Variants in SUMF1 observed in about 807,000 individuals in gnomAD.
SUMF1 encodes the protein sulfatase modifying factor 1, also known as formylglycine-generating enzyme.
Under a neutral mutation model 47.6 loss-of-function variants are expected in SUMF1, and 48 were observed. The observed-to-expected ratio is 1.01, with a 90% CI of 0.80 to 1.28. The LOEUF is 1.28. SUMF1 is among the 50% of genes most tolerant of loss of function. SUMF1 has a pLI of 0.00. For synonymous variants in SUMF1, 230 were observed against 192.1 expected, an observed-to-expected ratio of 1.20 and a Z score of -1.63; for missense variants, 571 against 485.4, an observed-to-expected ratio of 1.18 and a Z score of -1.66.
At chr3:4,450,471 T>G (rs1452962446) in intron 2 of SUMF1, among the ~76,000 whole-genome samples, 1 of 152,200 alleles carries the variant, frequency 6.6e-6, no homozygotes, top group East Asian at 1.9e-4. Flanking sequence ...ATCTTCTTCC[T>G]GCATTCCCTT....
chr3:4,436,551 G>A (rs1214660616), intron 3 of SUMF1, among the ~76,000 whole-genome samples: 5 of 150,778 alleles, frequency 3.3e-5, no homozygotes, highest in Non-Finnish European at 1.5e-5. Context: ...AATAGAGAAA[G>A]GGCAATATTC....
chr3:4,259,636 A>C (rs539672828), intron 8 of SUMF1, among the ~76,000 whole-genome samples: 3 of 152,306 alleles, frequency 2.0e-5, no homozygotes, highest in Non-Finnish European at 2.9e-5. Flanking sequence ...GAACAATCTA[A>C]GAAGGGAATT....
At chr3:4,073,142 A>G (rs1415848997) in intron 8 of SUMF1, among the ~76,000 whole-genome samples, 1 of 152,254 alleles carries the variant, frequency 6.6e-6, no homozygotes, top group Non-Finnish European at 1.5e-5. Flanking sequence ...ATCTCTCTGC[A>G]GAAACCCTAT....
At chr3:4,244,925 C>T (rs1382183877) in intron 8 of SUMF1, among the ~76,000 whole-genome samples, 1 of 151,934 alleles carries the variant, frequency 6.6e-6, no homozygotes, top group Admixed American at 6.6e-5. Context: ...TTGGAGGCTT[C>T]GTTCGTTTTT....
At chr3:4,272,218 G>T (rs1641563224) in intron 8 of SUMF1, among the ~76,000 whole-genome samples, 1 of 152,210 alleles carries the variant, frequency 6.6e-6, no homozygotes, top group South Asian at 2.1e-4. Context: ...GGTTTCCTGA[G>T]AGATGAACAA....
chr3:4,154,530 T>C (rs1421015599), intron 8 of SUMF1, among the ~76,000 whole-genome samples: 1 of 151,618 alleles, frequency 6.6e-6, no homozygotes, highest in African/African-American at 2.4e-5. Flanking sequence ...CTCTGTTTTA[T>C]AGATGAATAA....
At chr3:4,270,079 G>A (rs1053985073) in intron 8 of SUMF1, among the ~76,000 whole-genome samples, 11 of 152,078 alleles carry the variant, frequency 7.2e-5, no homozygotes, top group Non-Finnish European at 1.6e-4. Context: ...GAAAGCCAAG[G>A]CCCAGAAGAG....
chr3:4,437,003 T>C (rs1473337439), intron 3 of SUMF1, among the ~76,000 whole-genome samples: 2 of 152,224 alleles, frequency 1.3e-5, no homozygotes, highest in Non-Finnish European at 2.9e-5. Flanking sequence ...TTTTACTTAG[T>C]GAAAGTATCT....
chr3:4,408,728 T>C (rs528015282), intron 7 of SUMF1, among the ~76,000 whole-genome samples: 1 of 152,230 alleles, frequency 6.6e-6, no homozygotes, highest in South Asian at 2.1e-4. Context: ...CCCAGAACTT[T>C]GGGGGGACAA....
At chr3:4,069,548 T>A (rs578058312) in intron 8 of SUMF1, among the ~76,000 whole-genome samples, 1 of 152,200 alleles carries the variant, frequency 6.6e-6, no homozygotes, top group Non-Finnish European at 1.5e-5. Flanking sequence ...CCTATTTGCA[T>A]ACAGCATTCA....
intron 8 of SUMF1, among the ~76,000 whole-genome samples, chr3:4,301,338 A>C (rs1697959858): frequency 6.6e-6 from 1 of 152,208 alleles, no homozygotes; most frequent in South Asian, 2.1e-4. Flanking sequence ...CCAAGGAAAT[A>C]GGTAAAGTCT....
Position 4,362,096 on chromosome 3 carries a change from A to G in SUMF1, c.*48T>C, listed in dbSNP as rs1699780888. On this transcript the variant is annotated 3_prime_UTR_variant, in exon 9 of 9. Transcript: ENST00000272902. Reference sequence around the variant, plus strand: ...CAAAGTTCTGAGAAAAGCCCAATGTAGGTCAGACACGACTGCTCCTTGGAC... The same window carrying G: ...CAAAGTTCTGAGAAAAGCCCAATGTGGGTCAGACACGACTGCTCCTTGGAC... 1 of 1,550,698 alleles carries G rather than the reference A, an allele frequency of 6.4e-7. No homozygotes were observed. The highest frequency in any genetic ancestry group is 8.9e-7 in the Non-Finnish European group (1 of 1,123,926).
At chr3:4,140,482 T>C (rs1694046835) in intron 8 of SUMF1, among the ~76,000 whole-genome samples, 1 of 152,082 alleles carries the variant, frequency 6.6e-6, no homozygotes, top group East Asian at 1.9e-4. Flanking sequence ...TAGTATTTTG[T>C]CAAGTAGGAA....
rs1042521245 is a variant in SUMF1, at chr3:4,269,665, T to A, written c.1014+106665A>T. On this transcript the variant is annotated intron_variant and NMD_transcript_variant, in intron 8 of 12. Transcript: ENST00000448413. ...GAGTTGTTATCCTGATAATCAAAAA[T>A]TCACATTTCCCAAAACCCAACAGTC... Among the ~76,000 whole-genome samples, 14 of 152,140 alleles carry A rather than the reference T, an allele frequency of 9.2e-5. No individual in the cohort carries two copies. In the East Asian group the frequency reaches 1.2e-3, roughly 13 times the overall value.
At position 4,081,005 on chromosome 3, in the gene SUMF1, G is replaced by A. The variant is rs532516680; in HGVS notation, c.1015-12260C>T. ...TGAAAAATGGGAATAATGATGATCT[G>A]GTAAGAATTGTTTAAAGGACTCAAT... On this transcript the variant is annotated intron_variant and NMD_transcript_variant, in intron 8 of 12. Coordinates refer to the SUMF1 transcript ENST00000448413. 1.4e-4 allele frequency among the ~76,000 whole-genome samples: 22 copies of A among 152,184 alleles called. No homozygotes were observed. The South Asian group carries it at 3.3e-3, about 23-fold the overall frequency.
chr3:4,426,099 T>C (rs539357023), intron 3 of SUMF1, among the ~76,000 whole-genome samples: 1 of 152,278 alleles, frequency 6.6e-6, no homozygotes, highest in East Asian at 1.9e-4. Context: ...TGAGATTTAG[T>C]TGGGGACACA....
intron 3 of SUMF1, among the ~76,000 whole-genome samples, chr3:4,427,170 A>C (rs1306111514): frequency 2.6e-5 from 4 of 152,268 alleles, no homozygotes; most frequent in African/African-American, 7.2e-5. Context: ...CTGTATAATT[A>C]TGCATACTCA....
At chr3:4,228,852 G>C (rs541371461) in intron 8 of SUMF1, among the ~76,000 whole-genome samples, 19 of 152,180 alleles carry the variant, frequency 1.2e-4, no homozygotes, top group African/African-American at 4.3e-4. Context: ...ACCAAGAGGA[G>C]CCCCTCCATC....
intron 7 of SUMF1, among the ~76,000 whole-genome samples, chr3:4,381,509 TA>T (rs766733070): frequency 5.9e-5 from 9 of 152,114 alleles, no homozygotes; most frequent in Non-Finnish European, 1.0e-4. Flanking sequence ...AAACAAATAA[TA>T]AACATGTCAT....
Sources: allele counts gnomAD v4.1 joint callset (sites outside exome capture counted in the v4.1 genomes callset), GRCh38; gene constraint gnomAD v4.1.1; transcripts MANE v1.5; gene names NCBI Gene and HGNC (gene_info 2026-07-23, HGNC 2026-07-21).